Variants in KRAS observed in about 807,000 individuals in gnomAD.
The protein encoded by KRAS is KRas proto-oncogene, GTPase.
In KRAS, 1 loss-of-function variant was observed where a neutral mutation model predicts 21.0. The observed-to-expected ratio is 0.05, with a 90% CI of 0.02 to 0.23. The LOEUF (loss-of-function observed/expected upper bound fraction) is 0.23, where lower values mean the gene tolerates loss of function less well. Among genes scored for constraint, KRAS ranks in the 10% least tolerant of loss-of-function variants. The probability of loss-of-function intolerance (pLI) is 1.00; values close to 1 mark genes in which losing one functional copy is unlikely to be tolerated. For missense variants in KRAS, 107 were observed against 221.8 expected (o/e 0.48, Z 3.29); for synonymous variants, 67 against 72.5 (o/e 0.92, Z 0.39).
chr12:25,241,138 C>T (rs932988783), intron 2 of KRAS, among the ~76,000 whole-genome samples: 2 of 152,148 alleles, frequency 1.3e-5, no homozygotes, highest in Non-Finnish European at 2.9e-5. Context: ...TATACTGCCT[C>T]GTTTCCTTTC....
chr12:25,246,701 G>A (rs1019821688), intron 1 of KRAS, among the ~76,000 whole-genome samples: 1 of 152,084 alleles, frequency 6.6e-6, no homozygotes, highest in African/African-American at 2.4e-5. Context: ...TGGATCACGA[G>A]GTCAGGAGAT....
intron 4 of KRAS, among the ~76,000 whole-genome samples, chr12:25,213,025 A>G (rs901631745): frequency 6.6e-6 from 1 of 152,160 alleles, no homozygotes; most frequent in African/African-American, 2.4e-5. Context: ...CAGGCTCCCA[A>G]GCAGCTGATA....
At chr12:25,249,487 G>C (rs1951735169) in intron 1 of KRAS, among the ~76,000 whole-genome samples, 1 of 150,624 alleles carries the variant, frequency 6.6e-6, no homozygotes, top group African/African-American at 2.4e-5. Context: ...AGCTACTCGG[G>C]AGGCTGAGGC....
rs914413481 is a variant in KRAS, at chr12:25,206,932, A to T, written c.*2863T>A. 2.5e-5 allele frequency: 5 copies of T among 203,962 alleles called. No individual in the cohort carries two copies. Among genetic ancestry groups the T allele is most frequent in the African/African-American group, 1.1e-4 (5 of 43,766 alleles). 12.6% of individuals were successfully genotyped at this position (203,962 alleles called of 1,614,324 possible). A position where few individuals can be genotyped will look rare whatever the true frequency, so the allele number is the denominator to read the frequency against. On this transcript the variant is annotated 3_prime_UTR_variant, in exon 5 of 5. Transcript: ENST00000311936. Reference sequence around the variant, plus strand: ...TAAAAGAATCACAGTTATGCCAAATAAAAAAACAATATAATCAAGTTTATT... The same window carrying T: ...TAAAAGAATCACAGTTATGCCAAATTAAAAAACAATATAATCAAGTTTATT...
rs185796037 is a variant in KRAS at position 25,216,465 on chromosome 12, G to C, written c.451-6554C>G. Among the ~76,000 whole-genome samples the C allele has an allele frequency of 6.8e-4, 104 of 152,226 alleles. 1 individual carries two copies. The Middle Eastern group carries it at 0.01, about 15-fold the overall frequency. ...GATTTTTGTATTTTTCGTAGAGACA[G>C]GGTTTTGCCATGTTGCCCGGGCTGG... On this transcript the variant is annotated intron_variant, in intron 4 of 4. Coordinates refer to ENST00000311936, the MANE Select transcript of KRAS (RefSeq NM_004985.5).
chr12:25,227,520 G>A, intron 2 of KRAS, 108 bp from the exon 3 acceptor site: 1 of 916,458 alleles, frequency 1.1e-6, no homozygotes, highest in Non-Finnish European at 1.7e-6. Context: ...ATGGGCAAAG[G>A]ACTTGAAAAG....
intron 2 of KRAS, among the ~76,000 whole-genome samples, chr12:25,238,978 T>A (rs899211886): frequency 1.1e-4 from 17 of 152,254 alleles, no homozygotes; most frequent in African/African-American, 4.1e-4. Flanking sequence ...ATTTCCAGAC[T>A]GACCTCCATA....
intron 2 of KRAS, among the ~76,000 whole-genome samples, chr12:25,243,345 G>T (rs892092713): frequency 6.6e-6 from 1 of 152,034 alleles, no homozygotes; most frequent in Non-Finnish European, 1.5e-5. Context: ...ACTACGTCAG[G>T]GACCGTCAGT....
At chr12:25,224,028 A>G (rs1951358877) in intron 4 of KRAS, among the ~76,000 whole-genome samples, 1 of 151,996 alleles carries the variant, frequency 6.6e-6, no homozygotes, top group Non-Finnish European at 1.5e-5. Context: ...AAAAGTTCCT[A>G]TTGCTTAGTG....
chr12:25,235,285 T>C, intron 2 of KRAS: 1 of 493,738 alleles, frequency 2.0e-6, no homozygotes, highest in Non-Finnish European at 3.8e-6. Context: ...TACGTTACTC[T>C]TCCGAAAGGT....
At chr12:25,241,125 T>A (rs1951604428) in intron 2 of KRAS, among the ~76,000 whole-genome samples, 1 of 152,208 alleles carries the variant, frequency 6.6e-6, no homozygotes, top group Non-Finnish European at 1.5e-5. Flanking sequence ...CCCTATTTTC[T>A]TATATACTGC....
chr12:25,249,688 G>A (rs543996427), intron 1 of KRAS, among the ~76,000 whole-genome samples: 6 of 150,108 alleles, frequency 4.0e-5, no homozygotes, highest in South Asian at 4.3e-4. Context: ...AAAAAATCAT[G>A]TAAGTGCTGT....
At chr12:25,236,861 G>C (rs1951550827) in intron 2 of KRAS, among the ~76,000 whole-genome samples, 1 of 152,094 alleles carries the variant, frequency 6.6e-6, no homozygotes, top group Non-Finnish European at 1.5e-5. Flanking sequence ...CAAAGACAGA[G>C]CTACCATATA....
At chr12:25,244,828 T>A (rs965050465) in intron 2 of KRAS, among the ~76,000 whole-genome samples, 1 of 152,120 alleles carries the variant, frequency 6.6e-6, no homozygotes, top group African/African-American at 2.4e-5. Context: ...GGTTCTCTAA[T>A]GTTGAGAAGA....
At chr12:25,218,948 T>C (rs1294296663) in intron 4 of KRAS, among the ~76,000 whole-genome samples, 2 of 40,762 alleles carry the variant, frequency 4.9e-5, no homozygotes, top group East Asian at 4.5e-3. Flanking sequence ...TTTTTTTGTT[T>C]TTTTTTTTTG....
intron 2 of KRAS, among the ~76,000 whole-genome samples, chr12:25,240,286 CAT>C (rs1341001303): frequency 6.6e-6 from 1 of 152,102 alleles, no homozygotes; most frequent in Non-Finnish European, 1.5e-5. Context: ...TAAATTAAGT[CAT>C]ATATAATTAG....
At chr12:25,240,608 G>A (rs997211943) in intron 2 of KRAS, among the ~76,000 whole-genome samples, 9 of 152,176 alleles carry the variant, frequency 5.9e-5, no homozygotes, top group African/African-American at 2.2e-4. Context: ...CAGGAAGACT[G>A]CATGGTACAA....
chr12:25,247,976 A>G (rs1951705978), intron 1 of KRAS, among the ~76,000 whole-genome samples: 2 of 152,158 alleles, frequency 1.3e-5, no homozygotes, highest in African/African-American at 4.8e-5. Flanking sequence ...TTAATTTCCA[A>G]TACGGTAAAT....
chr12:25,214,879 C>T (rs1321674586), intron 4 of KRAS, among the ~76,000 whole-genome samples: 2 of 151,988 alleles, frequency 1.3e-5, no homozygotes, highest in Non-Finnish European at 2.9e-5. Context: ...GAAAAGAGGG[C>T]GGTAGGAGTC....
Sources: gnomAD v4.1 joint callset for allele counts (sites outside exome capture counted in the v4.1 genomes callset) on GRCh38, gnomAD v4.1.1 for gene constraint, MANE v1.5 for transcripts, NCBI Gene and HGNC (gene_info 2026-07-23, HGNC 2026-07-21) for gene names.